The following NUDT21 variants were observed in gnomAD, a reference collection of about 807,000 sequenced individuals.
NUDT21 encodes cleavage and polyadenylation specificity factor subunit 5.
NUDT21 carries 5 observed loss-of-function variants against 29.8 expected under a neutral mutation model. That is an observed-to-expected ratio of 0.17 (90% CI 0.09 to 0.35). The LOEUF (loss-of-function observed/expected upper bound fraction) is 0.35, where lower values mean the gene tolerates loss of function less well. Ranked by LOEUF, NUDT21 falls within the 10% of genes least tolerant of loss-of-function variation. The pLI is 1.00. For synonymous variants in NUDT21, 113 were observed against 98.5 expected, an observed-to-expected ratio of 1.15 and a Z score of -0.87; for missense variants, 76 against 276.0, an observed-to-expected ratio of 0.28 and a Z score of 5.13.
intron 3 of NUDT21, among the ~76,000 whole-genome samples, chr16:56,444,401 C>T (rs895081272): frequency 1.3e-5 from 2 of 151,616 alleles, no homozygotes; most frequent in East Asian, 2.0e-4. Flanking sequence ...CTGGCCGACA[C>T]GGTGAAACCC....
intron 4 of NUDT21, among the ~76,000 whole-genome samples, chr16:56,435,780 T>TATATATAA (rs1397228479): frequency 9.2e-6 from 1 of 109,120 alleles, no homozygotes; most frequent in East Asian, 2.8e-4. Flanking sequence ...TATATATATA[T>TATATATAA]ATATGATCAG....
chr16:56,441,069 C>G (rs2143939568), intron 3 of NUDT21, among the ~76,000 whole-genome samples: 1 of 151,908 alleles, frequency 6.6e-6, no homozygotes, highest in South Asian at 2.1e-4. Context: ...GAGATAGGGT[C>G]TTGCTCTGTC....
chr16:56,441,575 C>A (rs577379223), intron 3 of NUDT21, among the ~76,000 whole-genome samples: 1 of 152,318 alleles, frequency 6.6e-6, no homozygotes, highest in African/African-American at 2.4e-5. Context: ...AGCCTATAAC[C>A]CTCTACTATG....
chr16:56,451,054 G>A, intron 1 of NUDT21, 33 bp downstream of exon 1: 4 of 1,584,386 alleles, frequency 2.5e-6, no homozygotes, highest in South Asian at 1.1e-5. Flanking sequence ...GCTTTCACGA[G>A]AGAAATGCCC....
chr16:56,435,558 C>CT (rs1403978160), intron 4 of NUDT21, among the ~76,000 whole-genome samples: 1 of 149,170 alleles, frequency 6.7e-6, no homozygotes, highest in Admixed American at 6.6e-5. Context: ...AATCCCGTCT[C>CT]TACTAAAAAT....
chr16:56,441,035 G>A (rs774232110), intron 3 of NUDT21, among the ~76,000 whole-genome samples: 10 of 151,104 alleles, frequency 6.6e-5, no homozygotes, highest in South Asian at 4.2e-4. Context: ...CCACTGCACC[G>A]GGCCTCAAAA....
In NUDT21 at chr16:56,447,999, G is replaced by T; in HGVS notation, c.117-10C>A. The T allele has an allele frequency of 6.2e-7, 1 of 1,608,856 alleles. No homozygotes were observed. The highest frequency in any genetic ancestry group is 8.5e-7 in the Non-Finnish European group (1 of 1,175,756). On this transcript the variant is annotated splice_polypyrimidine_tract_variant and intron_variant, in intron 1 of 6. Coordinates refer to ENST00000300291, the MANE Select transcript of NUDT21 (RefSeq NM_007006.3). ...ATTGGTAAGAGGGTACCTGTGATCC[G>T]AAGACAAACATCTAACATGAGAACT...
chr16:56,434,244 C>A, intron 6 of NUDT21, 87 bp downstream of exon 6: 1 of 826,258 alleles, frequency 1.2e-6, no homozygotes, highest in Non-Finnish European at 2.0e-6. Flanking sequence ...GACCAAAATT[C>A]ATGAACTATA....
At chr16:56,439,579 T>C (rs1962138842) in intron 4 of NUDT21, 78 bp downstream of exon 4, 1 of 947,406 alleles carries the variant, frequency 1.1e-6, no homozygotes, top group African/African-American at 1.6e-5. Context: ...AAATTCTACT[T>C]TAATCTTTTT....
At chr16:56,442,810 TTCTA>T (rs1341062232) in intron 3 of NUDT21, among the ~76,000 whole-genome samples, 1 of 152,210 alleles carries the variant, frequency 6.6e-6, no homozygotes, top group Non-Finnish European at 1.5e-5. Context: ...CTTACCTACA[TTCTA>T]TCTTTTTATC....
intron 3 of NUDT21, among the ~76,000 whole-genome samples, chr16:56,444,793 A>G (rs1962200331): frequency 6.6e-6 from 1 of 152,146 alleles, no homozygotes; most frequent in South Asian, 2.1e-4. Flanking sequence ...TCTTTGCCTA[A>G]TTACAGAGTG....
At chr16:56,437,367 T>G (rs947525085) in intron 4 of NUDT21, among the ~76,000 whole-genome samples, 1 of 152,230 alleles carries the variant, frequency 6.6e-6, no homozygotes, top group Non-Finnish European at 1.5e-5. Context: ...TATTTGAGCA[T>G]CAGTAACATC....
intron 3 of NUDT21, among the ~76,000 whole-genome samples, chr16:56,442,511 A>C (rs1962171082): frequency 1.3e-5 from 2 of 152,040 alleles, no homozygotes; most frequent in Non-Finnish European, 2.9e-5. Flanking sequence ...TTTGCATTTA[A>C]CCTCTCTGCT....
chr16:56,429,873 A>T lies in NUDT21; in HGVS notation c.*2839T>A, dbSNP rs1282500142. 1 of 152,228 alleles carries T rather than the reference A, an allele frequency of 6.6e-6. No individual in the cohort carries two copies. The highest frequency in any genetic ancestry group is 1.5e-5 in the Non-Finnish European group (1 of 68,028). 9.4% of individuals were successfully genotyped at this position (152,228 alleles called of 1,614,324 possible). On this transcript the variant is annotated 3_prime_UTR_variant, in exon 7 of 7. Transcript: ENST00000300291. ...TACCCCAAGCATTTCATCTCAAGTG[A>T]CTGAACAAGTACTGTAAAAATAAAG...
At chr16:56,448,133 G>T (rs192397607) in intron 1 of NUDT21, 144 bp from the exon 2 acceptor site, 1 of 658,968 alleles carries the variant, frequency 1.5e-6, no homozygotes, top group Non-Finnish European at 2.6e-6. Flanking sequence ...TAAAGTTAAT[G>T]AAACAGCAGA....
rs185653170 is a variant in NUDT21, at chr16:56,432,606, A to G, written c.*106T>C. On this transcript the variant is annotated 3_prime_UTR_variant, in exon 7 of 7. Transcript: ENST00000300291. ...GAAAGGTGGCAATTTAGGGATCGCA[A>G]AAGAGATAAAACCAAAAAAACTTTT... The G allele has an allele frequency of 3.5e-6, 3 of 845,272 alleles. No homozygotes were observed. The highest frequency in any genetic ancestry group is 1.8e-6 in the Non-Finnish European group (1 of 556,060). 52.4% of individuals were successfully genotyped at this position (845,272 alleles called of 1,614,324 possible). A position where few individuals can be genotyped will look rare whatever the true frequency, so the allele number is the denominator to read the frequency against.
At chr16:56,448,438 T>C (rs901199709) in intron 1 of NUDT21, among the ~76,000 whole-genome samples, 9 of 152,348 alleles carry the variant, frequency 5.9e-5, no homozygotes, top group African/African-American at 1.9e-4. Flanking sequence ...CCGTTTTTCA[T>C]CAACATCCCT....
chr16:56,445,036 T>C (rs1962202649), intron 3 of NUDT21, among the ~76,000 whole-genome samples: 1 of 152,076 alleles, frequency 6.6e-6, no homozygotes, highest in Admixed American at 6.6e-5. Context: ...ATACAAAAAT[T>C]AGCTGGGCGT....
At chr16:56,450,386 A>G (rs991765320) in intron 1 of NUDT21, among the ~76,000 whole-genome samples, 1 of 152,178 alleles carries the variant, frequency 6.6e-6, no homozygotes, top group Non-Finnish European at 1.5e-5. Context: ...CACAGCCCAC[A>G]ATGGGTTTTC....
Sources: allele counts gnomAD v4.1 joint callset (sites outside exome capture counted in the v4.1 genomes callset), GRCh38; gene constraint gnomAD v4.1.1; transcripts MANE v1.5; gene names NCBI Gene and HGNC (gene_info 2026-07-23, HGNC 2026-07-21).